The following ASCC3 variants were observed in gnomAD, a reference collection of about 807,000 sequenced individuals.
The protein encoded by ASCC3 is ASC-1 complex subunit P200.
Under a neutral mutation model 256.3 loss-of-function variants are expected in ASCC3, and 158 were observed. That is an observed-to-expected ratio of 0.62 (90% confidence interval 0.54 to 0.70). The LOEUF is 0.70. ASCC3 is among the 30% of genes least tolerant of loss of function. The probability of loss-of-function intolerance (pLI) is 0.00; values close to 1 mark genes in which losing one functional copy is unlikely to be tolerated. For missense variants in ASCC3, 2,259 were observed against 2,626.0 expected, an observed-to-expected ratio of 0.86 and a Z score of 3.05; for synonymous variants, 948 against 883.4, an observed-to-expected ratio of 1.07 and a Z score of -1.30.
chr6:100,673,255 T>C (rs959677982), intron 14 of ASCC3, among the ~76,000 whole-genome samples: 1 of 152,032 alleles, frequency 6.6e-6, no homozygotes, highest in Non-Finnish European at 1.5e-5. Flanking sequence ...TGTAAATAAA[T>C]AGAAAAATTA....
At chr6:100,851,948 C>CG (rs1038709936) in intron 3 of ASCC3, among the ~76,000 whole-genome samples, 1 of 152,160 alleles carries the variant, frequency 6.6e-6, no homozygotes, top group African/African-American at 2.4e-5. Flanking sequence ...GCAACCACCC[C>CG]GGCTTGTCTT....
chr6:100,683,072 T>C lies in ASCC3; in HGVS notation c.2152-3320A>G, dbSNP rs565904675. On this transcript the variant is annotated intron_variant, in intron 13 of 41. Coordinates refer to ENST00000369162, the MANE Select transcript of ASCC3 (RefSeq NM_006828.4). ...CTGAAGCTGAAAGAGGATTAAAAGG[T>C]AAAATAAATAAAACCACCACTACAA... Among the ~76,000 whole-genome samples the C allele has an allele frequency of 2.6e-5, 4 of 152,206 alleles. No individual in the cohort carries two copies. In the South Asian group the frequency reaches 8.3e-4, roughly 32 times the overall value.
At chr6:100,747,051 A>G (rs916888890) in intron 10 of ASCC3, among the ~76,000 whole-genome samples, 3 of 152,014 alleles carry the variant, frequency 2.0e-5, no homozygotes, top group Admixed American at 6.6e-5. Flanking sequence ...TTACAGCTCA[A>G]TTGCAAGACA....
intron 11 of ASCC3, among the ~76,000 whole-genome samples, chr6:100,721,773 G>T: frequency 6.9e-6 from 1 of 144,616 alleles, no homozygotes; most frequent in East Asian, 2.0e-4. Context: ...TTTTTAATTA[G>T]GTCCTACTTG....
At chr6:100,586,599 A>T (rs1771701111) in intron 36 of ASCC3, among the ~76,000 whole-genome samples, 1 of 151,962 alleles carries the variant, frequency 6.6e-6, no homozygotes, top group Non-Finnish European at 1.5e-5. Context: ...ACTGACCTGC[A>T]CCCACTGTCT....
At chr6:100,601,752 T>C in intron 34 of ASCC3, 58 bp downstream of exon 34, 1 of 1,592,720 alleles carries the variant, frequency 6.3e-7, no homozygotes. Flanking sequence ...TTTATTACTT[T>C]CAAATATGTC....
chr6:100,793,884 C>T (rs1034744336), intron 8 of ASCC3, among the ~76,000 whole-genome samples: 1 of 151,916 alleles, frequency 6.6e-6, no homozygotes, highest in Non-Finnish European at 1.5e-5. Context: ...GCTGAACATG[C>T]ACAAAAGTTT....
At chr6:100,632,270 G>GT in intron 25 of ASCC3, among the ~76,000 whole-genome samples, 2 of 149,374 alleles carry the variant, frequency 1.3e-5, no homozygotes, top group Non-Finnish European at 3.0e-5. Flanking sequence ...AACTAAAGAG[G>GT]TAAAAAATCT....
intron 30 of ASCC3, 93 bp from the exon 31 acceptor site, chr6:100,607,181 A>C: frequency 1.5e-6 from 2 of 1,311,438 alleles, no homozygotes; most frequent in South Asian, 2.5e-5. Flanking sequence ...TTTTGTCTTT[A>C]TGTTATTATA....
At chr6:100,802,318 C>G (rs917706110) in intron 5 of ASCC3, among the ~76,000 whole-genome samples, 1 of 151,972 alleles carries the variant, frequency 6.6e-6, no homozygotes, top group Non-Finnish European at 1.5e-5. Flanking sequence ...TTAGAACGGT[C>G]GTTTAAAAGT....
rs549071178 is a variant in ASCC3, at chr6:100,815,169, T to C, written c.802-9289A>G. On this transcript the variant is annotated intron_variant, in intron 4 of 41. Coordinates refer to ENST00000369162, the MANE Select transcript of ASCC3 (RefSeq NM_006828.4). ...ATCGGGAATGTAATCCCACTCATAA[T>C]TGTCAGAAAAATAAAATATCTAGAA... Among the ~76,000 whole-genome samples, 6 of 152,132 alleles carry C rather than the reference T, an allele frequency of 3.9e-5. No homozygotes were observed. In the East Asian group the frequency reaches 9.7e-4, roughly 25 times the overall value.
At chr6:100,872,698 G>A (rs936190462) in intron 1 of ASCC3, among the ~76,000 whole-genome samples, 6 of 152,112 alleles carry the variant, frequency 3.9e-5, no homozygotes, top group Admixed American at 3.9e-4. Context: ...ACCCACAGAC[G>A]GTTCACATCA....
At chr6:100,522,174 G>A (rs1488381265) in intron 37 of ASCC3, among the ~76,000 whole-genome samples, 1 of 152,042 alleles carries the variant, frequency 6.6e-6, no homozygotes, top group Non-Finnish European at 1.5e-5. Context: ...GACAAAGCTA[G>A]GATGATTCTG....
At chr6:100,522,073 G>A (rs1444395464) in intron 37 of ASCC3, among the ~76,000 whole-genome samples, 1 of 152,122 alleles carries the variant, frequency 6.6e-6, no homozygotes, top group East Asian at 1.9e-4. Context: ...AATTATCCTT[G>A]ACATTCATTA....
rs535103591 is a variant in ASCC3 at position 100,738,081 on chromosome 6, TA to T, written c.1738-12379del. On this transcript the variant is annotated intron_variant, in intron 10 of 41. Coordinates refer to ENST00000369162, the MANE Select transcript of ASCC3 (RefSeq NM_006828.4). ...CTTTTTAATAAGGTTTTTTTTCTTG[TA>T]AATTTGTTTGAGTTCCTTGTAGATG... Among the ~76,000 whole-genome samples, 13 of 152,342 alleles carry T rather than the reference TA, an allele frequency of 8.5e-5. No homozygotes were observed. The East Asian group carries it at 2.5e-3, about 29-fold the overall frequency.
chr6:100,846,376 T>C (rs1236790100), intron 4 of ASCC3, among the ~76,000 whole-genome samples: 2 of 152,180 alleles, frequency 1.3e-5, no homozygotes, highest in Non-Finnish European at 2.9e-5. Context: ...CATTTTCATA[T>C]ACGAACAGGA....
chr6:100,756,663 G>C (rs977608757), intron 10 of ASCC3, among the ~76,000 whole-genome samples: 2 of 151,994 alleles, frequency 1.3e-5, no homozygotes, highest in African/African-American at 4.8e-5. Flanking sequence ...TCTAAGGCTG[G>C]GCTTCTCTCA....
intron 1 of ASCC3, among the ~76,000 whole-genome samples, chr6:100,869,776 A>C (rs1231939394): frequency 6.6e-6 from 1 of 152,202 alleles, no homozygotes. Flanking sequence ...CTACACTGAA[A>C]ACATAGGAAA....
At chr6:100,858,518 ATAAG>A in intron 3 of ASCC3, 1 of 909,300 alleles carries the variant, frequency 1.1e-6, no homozygotes, top group Non-Finnish European at 1.3e-6. Context: ...ATTTTTTATC[ATAAG>A]TAATGTTAGA....
Sources: gnomAD v4.1 joint callset for allele counts (sites outside exome capture counted in the v4.1 genomes callset) on GRCh38, gnomAD v4.1.1 for gene constraint, MANE v1.5 for transcripts, NCBI Gene and HGNC (gene_info 2026-07-23, HGNC 2026-07-21) for gene names.